CDH12: variants seen among roughly 807,000 people sequenced by gnomAD.
The protein encoded by CDH12 is cadherin-12.
CDH12 carries 41 observed loss-of-function variants against 74.1 expected under a neutral mutation model. The observed-to-expected ratio is 0.55, with a 90% CI of 0.43 to 0.72. The LOEUF (loss-of-function observed/expected upper bound fraction) is 0.72. Among genes scored for constraint, CDH12 ranks in the 30% least tolerant of loss-of-function variants. CDH12 has a pLI of 0.00. For missense variants in CDH12, 945 were observed against 977.2 expected (o/e 0.97, Z 0.44); for synonymous variants, 399 against 355.0 (o/e 1.12, Z -1.39).
chr5:22,636,736 G>A (rs944949831), intron 1 of CDH12, among the ~76,000 whole-genome samples: 1 of 152,222 alleles, frequency 6.6e-6, no homozygotes, highest in Admixed American at 6.5e-5. Context: ...TTTTAACTTA[G>A]TTTTTGCTTA....
At chr5:22,134,896 C>A (rs1042756988) in intron 4 of CDH12, among the ~76,000 whole-genome samples, 7 of 151,622 alleles carry the variant, frequency 4.6e-5, no homozygotes, top group African/African-American at 1.2e-4. Context: ...TCCACACACT[C>A]CCCCCACCAA....
Position 21,814,483 on chromosome 5 carries a change from G to A in CDH12, c.1002+2462C>T, listed in dbSNP as rs567641786. Among the ~76,000 whole-genome samples the A allele has an allele frequency of 2.5e-3, 383 of 151,496 alleles. 2 individuals are homozygous for A. Among genetic ancestry groups the A allele is most frequent in the Middle Eastern group, 0.012 (3 of 254 alleles). On this transcript the variant is annotated intron_variant, in intron 9 of 14. Coordinates refer to ENST00000382254, the MANE Select transcript of CDH12 (RefSeq NM_004061.5). The stretch of plus-strand genomic sequence containing the variant: ...AGATAAAGGACTATTATTAAACCAC[G>A]CCTTTTTCAACTGTTTTAAAAATAA...
At chr5:22,159,518 A>C (rs1020343609) in intron 4 of CDH12, among the ~76,000 whole-genome samples, 1 of 152,170 alleles carries the variant, frequency 6.6e-6, no homozygotes, top group Non-Finnish European at 1.5e-5. Flanking sequence ...CATGGTTCAG[A>C]TGAATTTCCT....
At chr5:22,578,076 T>G (rs370506005) in intron 1 of CDH12, among the ~76,000 whole-genome samples, 3 of 152,224 alleles carry the variant, frequency 2.0e-5, no homozygotes, top group African/African-American at 7.2e-5. Context: ...CTGAAAAGTC[T>G]TTCAAGTATT....
intron 6 of CDH12, among the ~76,000 whole-genome samples, chr5:21,871,138 G>A (rs1406277147): frequency 6.6e-6 from 1 of 152,082 alleles, no homozygotes; most frequent in Non-Finnish European, 1.5e-5. Flanking sequence ...TTCTGAAGAT[G>A]AGTCTGGAAT....
intron 3 of CDH12, among the ~76,000 whole-genome samples, chr5:22,359,966 C>T (rs1217010749): frequency 6.6e-6 from 1 of 151,864 alleles, no homozygotes; most frequent in Admixed American, 6.6e-5. Flanking sequence ...TAAATGCCCA[C>T]AAAAGAAAGC....
intron 5 of CDH12, among the ~76,000 whole-genome samples, chr5:22,068,937 C>G (rs941967844): frequency 1.3e-5 from 2 of 152,168 alleles, no homozygotes; most frequent in Non-Finnish European, 2.9e-5. Context: ...TAGAGACCAA[C>G]AGTAAATCCC....
chr5:22,201,104 T>C (rs1037565999), intron 4 of CDH12, among the ~76,000 whole-genome samples: 2 of 152,102 alleles, frequency 1.3e-5, no homozygotes, highest in South Asian at 2.1e-4. Flanking sequence ...ATCTCAGACA[T>C]AGGAACCAAA....
At chr5:22,366,211 C>T (rs1364274642) in intron 3 of CDH12, among the ~76,000 whole-genome samples, 1 of 152,124 alleles carries the variant, frequency 6.6e-6, no homozygotes, top group Non-Finnish European at 1.5e-5. Context: ...CCTGTCTTGG[C>T]TTCCCAAAGT....
chr5:22,095,087 G>A (rs1743673181), intron 4 of CDH12, among the ~76,000 whole-genome samples: 2 of 152,116 alleles, frequency 1.3e-5, no homozygotes, highest in Non-Finnish European at 2.9e-5. Flanking sequence ...CTTGGATCGG[G>A]GGACCTCCCT....
intron 2 of CDH12, among the ~76,000 whole-genome samples, chr5:22,437,061 C>T (rs1227695673): frequency 6.6e-6 from 1 of 151,860 alleles, no homozygotes; most frequent in Non-Finnish European, 1.5e-5. Flanking sequence ...TAAGATTTAA[C>T]TTTTTTCTTT....
At chr5:22,240,491 T>C (rs938469735) in intron 3 of CDH12, among the ~76,000 whole-genome samples, 5 of 152,162 alleles carry the variant, frequency 3.3e-5, no homozygotes, top group Non-Finnish European at 7.4e-5. Flanking sequence ...AAAATTTGAA[T>C]CATTTTTGGG....
chr5:22,057,162 T>C (rs1413258758), intron 5 of CDH12, among the ~76,000 whole-genome samples: 2 of 152,146 alleles, frequency 1.3e-5, no homozygotes, highest in South Asian at 2.1e-4. Context: ...ACTTCACCAT[T>C]GTAGTGTGAA....
intron 2 of CDH12, among the ~76,000 whole-genome samples, chr5:22,504,264 T>C (rs902197070): frequency 3.9e-5 from 6 of 151,964 alleles, no homozygotes; most frequent in Non-Finnish European, 7.4e-5. Context: ...AAAATTTGTA[T>C]TTTTTTCCTC....
chr5:22,557,016 C>T (rs1738830174), intron 1 of CDH12, among the ~76,000 whole-genome samples: 1 of 152,010 alleles, frequency 6.6e-6, no homozygotes, highest in African/African-American at 2.4e-5. Context: ...CAGTACTTTT[C>T]TACTAGTTCT....
intron 6 of CDH12, among the ~76,000 whole-genome samples, chr5:21,962,282 TTTTG>T: frequency 6.6e-6 from 1 of 152,284 alleles, no homozygotes; most frequent in Admixed American, 6.5e-5. Context: ...CATTTTCCTC[TTTTG>T]TTTGAGATTA....
At chr5:22,257,904 A>C (rs1753374056) in intron 3 of CDH12, among the ~76,000 whole-genome samples, 1 of 152,154 alleles carries the variant, frequency 6.6e-6, no homozygotes, top group Non-Finnish European at 1.5e-5. Flanking sequence ...ACTAGGCATA[A>C]ATGGGTTAAT....
At chr5:22,350,339 A>G (rs1173571302) in intron 3 of CDH12, among the ~76,000 whole-genome samples, 1 of 152,244 alleles carries the variant, frequency 6.6e-6, no homozygotes, top group African/African-American at 2.4e-5. Context: ...CATTGTATTT[A>G]TACATATAAT....
intron 1 of CDH12, among the ~76,000 whole-genome samples, chr5:22,665,868 C>T (rs1216566016): frequency 6.6e-6 from 1 of 152,092 alleles, no homozygotes; most frequent in Non-Finnish European, 1.5e-5. Flanking sequence ...TTCTTCCAAG[C>T]AGTTATTTAA....
Sources: allele counts gnomAD v4.1 joint callset (sites outside exome capture counted in the v4.1 genomes callset), GRCh38; gene constraint gnomAD v4.1.1; transcripts MANE v1.5; gene names NCBI Gene and HGNC (gene_info 2026-07-23, HGNC 2026-07-21).